TGM6: variants seen among roughly 807,000 people sequenced by gnomAD.
TGM6 encodes transglutaminase 6.
A neutral mutation model predicts 77.5 loss-of-function variants in TGM6; 74 were observed. That is an observed-to-expected ratio of 0.96 (90% CI 0.79 to 1.16). TGM6 has a LOEUF of 1.16. Ranked by LOEUF, TGM6 falls within the 50% of genes most tolerant of loss-of-function variation. The probability of loss-of-function intolerance (pLI) is 0.00; values close to 1 mark genes in which losing one functional copy is unlikely to be tolerated. For synonymous variants in TGM6, 383 were observed against 378.9 expected, an observed-to-expected ratio of 1.01 and a Z score of -0.12; for missense variants, 968 against 940.2, an observed-to-expected ratio of 1.03 and a Z score of -0.39.
In TGM6 at chr20:2,409,385, T is replaced by C. The variant is rs1435623418; in HGVS notation, c.1336+5562T>C. On this transcript the variant is annotated intron_variant, in intron 9 of 12. Coordinates refer to ENST00000202625, the MANE Select transcript of TGM6 (RefSeq NM_198994.3). ...AAAACCTATATTAAAGAAGAAAGAT[T>C]TCAAATCAATAGCCTAATCTTCTAC... 2.6e-5 allele frequency among the ~76,000 whole-genome samples: 4 copies of C among 152,044 alleles called. No individual in the cohort carries two copies. The East Asian group carries it at 7.7e-4, about 29-fold the overall frequency.
At chr20:2,401,975 C>T (rs948749387) in intron 7 of TGM6, among the ~76,000 whole-genome samples, 2 of 152,152 alleles carry the variant, frequency 1.3e-5, no homozygotes, top group Non-Finnish European at 2.9e-5. Flanking sequence ...CGGTGGCTCG[C>T]ACCTGTAATC....
At chr20:2,430,683 G>A (rs1020498569) in intron 11 of TGM6, 83 bp downstream of exon 11, 5 of 1,605,404 alleles carry the variant, frequency 3.1e-6, no homozygotes, top group Admixed American at 1.7e-5. Context: ...AGCTGGGGGG[G>A]TTTGTGCCTT....
chr20:2,413,030 A>G (rs2084793988), intron 9 of TGM6, among the ~76,000 whole-genome samples: 1 of 152,242 alleles, frequency 6.6e-6, no homozygotes, highest in Non-Finnish European at 1.5e-5. Context: ...CAACCTGATC[A>G]TAAAATTCAT....
At chr20:2,427,614 T>C (rs2084896483) in intron 10 of TGM6, among the ~76,000 whole-genome samples, 1 of 152,226 alleles carries the variant, frequency 6.6e-6, no homozygotes, top group Non-Finnish European at 1.5e-5. Flanking sequence ...TTTTTATAGT[T>C]TCCTAAAGCA....
At chr20:2,407,157 G>A (rs956642137) in intron 9 of TGM6, among the ~76,000 whole-genome samples, 1 of 152,154 alleles carries the variant, frequency 6.6e-6, no homozygotes, top group Non-Finnish European at 1.5e-5. Flanking sequence ...ACTCTGCACT[G>A]CACTGCCACT....
At chr20:2,426,194 T>C (rs1568671376) in intron 10 of TGM6, among the ~76,000 whole-genome samples, 1 of 152,166 alleles carries the variant, frequency 6.6e-6, no homozygotes, top group Non-Finnish European at 1.5e-5. Flanking sequence ...GTTTTACAGT[T>C]CTTCTTGTGT....
At chr20:2,388,139 A>G (rs376577887) in intron 1 of TGM6, among the ~76,000 whole-genome samples, 14 of 152,352 alleles carry the variant, frequency 9.2e-5, no homozygotes, top group South Asian at 8.3e-4. Flanking sequence ...TACTTCTGCA[A>G]TGAGAGGAGT....
chr20:2,414,693 C>T (rs928246533), intron 9 of TGM6, among the ~76,000 whole-genome samples: 1 of 152,012 alleles, frequency 6.6e-6, no homozygotes, highest in Admixed American at 6.6e-5. Flanking sequence ...AATGTATATC[C>T]ATCCAATGGA....
chr20:2,393,887 G>T (rs1395585684), intron 1 of TGM6, among the ~76,000 whole-genome samples: 1 of 152,176 alleles, frequency 6.6e-6, no homozygotes, highest in Non-Finnish European at 1.5e-5. Flanking sequence ...ATCAACTGAT[G>T]AATAAGTTGG....
chr20:2,399,840 T>C (rs944670454), intron 6 of TGM6, 102 bp downstream of exon 6: 2 of 1,047,524 alleles, frequency 1.9e-6, no homozygotes, highest in Admixed American at 2.6e-5. Flanking sequence ...TCTTCATTGA[T>C]GGATTCATTG....
intron 1 of TGM6, among the ~76,000 whole-genome samples, chr20:2,387,921 G>T (rs1381799804): frequency 6.6e-6 from 1 of 152,162 alleles, no homozygotes. Flanking sequence ...TGGGCTGTGG[G>T]TTGGAAGCCT....
At chr20:2,411,196 GTGAAAGCAAAAATCAACAA>G in intron 9 of TGM6, among the ~76,000 whole-genome samples, 1 of 152,258 alleles carries the variant, frequency 6.6e-6, no homozygotes, top group East Asian at 1.9e-4. Flanking sequence ...CCTTATGAAT[GTGAAAGCAAAAATCAACAA>G]TGAAAGCAAA....
intron 1 of TGM6, among the ~76,000 whole-genome samples, chr20:2,393,682 G>A (rs112037532): frequency 3.5e-4 from 53 of 152,036 alleles, no homozygotes; most frequent in African/African-American, 1.1e-3. Flanking sequence ...CCGCCACCAC[G>A]CCTGGCTCAT....
Position 2,403,813 on chromosome 20 carries a change from G to A in TGM6, c.1326G>A (p.Lys442=), listed in dbSNP as rs752575866. ...DSRVDITDLY[K]YPEGSRKERQ... ...GCGTGGACATCACTGACCTCTACAA[G>A]TATCCGGAAGGTAAGGGCCACATGG... Residue 442 remains lysine, a synonymous_variant, in exon 9 of 13, where the codon AAG becomes AAA. Transcript: ENST00000202625. 9 of 1,614,144 alleles carry A rather than the reference G, an allele frequency of 5.6e-6. No individual in the cohort carries two copies. The highest frequency in any genetic ancestry group is 2.7e-5 in the African/African-American group (2 of 75,060).
chr20:2,398,159 G>A, intron 5 of TGM6, 113 bp downstream of exon 5: 1 of 1,568,866 alleles, frequency 6.4e-7, no homozygotes, highest in Non-Finnish European at 8.7e-7. Flanking sequence ...CGCTGTTGTT[G>A]CAGAACCAAC....
At chr20:2,417,624 G>C (rs2084827882) in intron 10 of TGM6, 51 bp downstream of exon 10, 1 of 1,528,708 alleles carries the variant, frequency 6.5e-7, no homozygotes, top group Admixed American at 1.9e-5. Flanking sequence ...TCCTTTTTCA[G>C]GAGGGTTGTG....
At chr20:2,421,179 G>T (rs1313370188) in intron 10 of TGM6, among the ~76,000 whole-genome samples, 1 of 152,106 alleles carries the variant, frequency 6.6e-6, no homozygotes, top group East Asian at 1.9e-4. Flanking sequence ...TAAAGACAGG[G>T]TTTCACCATG....
chr20:2,392,347 T>G (rs1379333943), intron 1 of TGM6, among the ~76,000 whole-genome samples: 1 of 152,208 alleles, frequency 6.6e-6, no homozygotes, highest in African/African-American at 2.4e-5. Flanking sequence ...CAGTTCCGCC[T>G]TCTGGAGGAA....
In TGM6 at chr20:2,430,962, G is replaced by A. The variant is rs368394752; in HGVS notation, c.1902G>A (p.Glu634=). 1.9e-6 allele frequency: 3 copies of A among 1,614,058 alleles called. No individual in the cohort carries two copies. In the African/African-American group the frequency reaches 4.0e-5, roughly 22 times the overall value. Residue 634 remains glutamate, a synonymous_variant, in exon 12 of 13, where the codon GAG becomes GAA. Coordinates refer to ENST00000202625, the MANE Select transcript of TGM6 (RefSeq NM_198994.3). Reference sequence around the variant, plus strand: ...TGACAGTAGTCAACCCCCTCATAGAGAGAGTGAAGGACTGTGCGCTGATGG... The same window carrying A: ...TGACAGTAGTCAACCCCCTCATAGAAAGAGTGAAGGACTGTGCGCTGATGG... ...VEVTVVNPLI[E]RVKDCALMVE... is the part of the protein sequence containing the mutation.
Sources: allele counts gnomAD v4.1 joint callset (sites outside exome capture counted in the v4.1 genomes callset), GRCh38; gene constraint gnomAD v4.1.1; transcripts MANE v1.5; gene names NCBI Gene and HGNC (gene_info 2026-07-23, HGNC 2026-07-21).